SMAP1: variants seen among roughly 807,000 people sequenced by gnomAD.
SMAP1 encodes the protein small ArfGAP 1.
A neutral mutation model predicts 58.5 loss-of-function variants in SMAP1; 24 were observed. The observed-to-expected ratio is 0.41, with a 90% CI of 0.30 to 0.58. The LOEUF (loss-of-function observed/expected upper bound fraction) is 0.58. SMAP1 is among the 20% of genes least tolerant of loss of function. The pLI is 0.29. For synonymous variants in SMAP1, 216 were observed against 196.6 expected (o/e 1.10, Z -0.82); for missense variants, 563 against 566.3 (o/e 0.99, Z 0.06).
intron 1 of SMAP1, among the ~76,000 whole-genome samples, chr6:70,698,371 G>A (rs1481407451): frequency 1.3e-5 from 2 of 151,962 alleles, no homozygotes; most frequent in South Asian, 2.1e-4. Context: ...TAAATGTCTC[G>A]AGGTAGTCTT....
At chr6:70,825,694 A>G (rs1439978328) in intron 6 of SMAP1, among the ~76,000 whole-genome samples, 1 of 152,180 alleles carries the variant, frequency 6.6e-6, no homozygotes, top group African/African-American at 2.4e-5. Context: ...TCTAAAGTTA[A>G]AGGCTCTAAG....
chr6:70,708,056 T>C (rs1488588309), intron 1 of SMAP1, among the ~76,000 whole-genome samples: 2 of 152,114 alleles, frequency 1.3e-5, no homozygotes, highest in Non-Finnish European at 2.9e-5. Flanking sequence ...TGCTGAACAT[T>C]ATATCTCTAG....
intron 1 of SMAP1, among the ~76,000 whole-genome samples, chr6:70,698,801 T>C (rs547657255): frequency 1.1e-3 from 171 of 152,316 alleles, no homozygotes; most frequent in African/African-American, 3.8e-3. Context: ...TTCAGTGTTA[T>C]CTTGAATTTT....
chr6:70,834,976 G>A (rs890090189), intron 6 of SMAP1, among the ~76,000 whole-genome samples: 4 of 151,974 alleles, frequency 2.6e-5, no homozygotes, highest in South Asian at 2.1e-4. Flanking sequence ...TGGGCCGGGC[G>A]CAGTGGCTCA....
chr6:70,783,200 G>C (rs1408048038), intron 4 of SMAP1, among the ~76,000 whole-genome samples: 1 of 152,216 alleles, frequency 6.6e-6, no homozygotes, highest in African/African-American at 2.4e-5. Flanking sequence ...AGGGTCTGGA[G>C]TGGACCTCTA....
At chr6:70,830,340 G>A (rs965228987) in intron 6 of SMAP1, among the ~76,000 whole-genome samples, 4 of 152,076 alleles carry the variant, frequency 2.6e-5, no homozygotes, top group Admixed American at 6.6e-5. Flanking sequence ...GGTCATCAAG[G>A]TATTAATTTA....
intron 7 of SMAP1, among the ~76,000 whole-genome samples, chr6:70,838,205 C>T (rs1770673654): frequency 6.6e-6 from 1 of 152,082 alleles, no homozygotes; most frequent in Non-Finnish European, 1.5e-5. Flanking sequence ...ATCTTCACTG[C>T]AGCATTTCTT....
chr6:70,718,494 A>G (rs906364725), intron 1 of SMAP1, among the ~76,000 whole-genome samples: 10 of 152,154 alleles, frequency 6.6e-5, no homozygotes. Flanking sequence ...TCTTGGACAT[A>G]TTTAATTGGC....
intron 1 of SMAP1, among the ~76,000 whole-genome samples, chr6:70,669,159 A>G (rs952503171): frequency 3.9e-5 from 6 of 152,122 alleles, no homozygotes; most frequent in East Asian, 1.9e-4. Flanking sequence ...AAGATCGTGT[A>G]TATTTTTAAT....
chr6:70,743,753 C>T (rs916827403), intron 2 of SMAP1, among the ~76,000 whole-genome samples: 2 of 152,090 alleles, frequency 1.3e-5, no homozygotes, highest in Admixed American at 1.3e-4. Context: ...TGAACCCTTG[C>T]TAGAATCATT....
chr6:70,845,937 A>G (rs947102966), intron 7 of SMAP1, among the ~76,000 whole-genome samples: 1 of 152,166 alleles, frequency 6.6e-6, no homozygotes. Flanking sequence ...ATTCTAGTTA[A>G]GAAGCAGTTG....
At chr6:70,697,350 G>A (rs1025135700) in intron 1 of SMAP1, among the ~76,000 whole-genome samples, 1 of 151,320 alleles carries the variant, frequency 6.6e-6, no homozygotes, top group African/African-American at 2.4e-5. Context: ...CCATTGCTGG[G>A]GCTGGAGTGC....
At chr6:70,819,399 A>G (rs796374104) in intron 6 of SMAP1, among the ~76,000 whole-genome samples, 1 of 151,876 alleles carries the variant, frequency 6.6e-6, no homozygotes, top group South Asian at 2.1e-4. Flanking sequence ...TAGAATAAAT[A>G]TTTACAAGAT....
In SMAP1 at chr6:70,839,615, T is replaced by C. The variant is rs369923956; in HGVS notation, c.664+2587T>C. ...AAAGGTTAAGAATATAAGGGGGATT[T>C]TGCAATGACTCACAGTGGGTCATTA... On this transcript the variant is annotated intron_variant, in intron 7 of 10. Transcript: ENST00000370455. 7.9e-5 allele frequency among the ~76,000 whole-genome samples: 12 copies of C among 152,248 alleles called. No individual in the cohort carries two copies. The East Asian group carries it at 2.3e-3, about 29-fold the overall frequency.
chr6:70,842,049 G>A (rs150188037), intron 7 of SMAP1, among the ~76,000 whole-genome samples: 151 of 152,328 alleles, frequency 9.9e-4, no homozygotes, highest in African/African-American at 3.3e-3. Flanking sequence ...CTGGAAAACC[G>A]CTGGTGTCCT....
chr6:70,686,469 C>T (rs888572518), intron 1 of SMAP1, among the ~76,000 whole-genome samples: 1 of 152,112 alleles, frequency 6.6e-6, no homozygotes, highest in Non-Finnish European at 1.5e-5. Context: ...GAACTTTTGT[C>T]AGGGTTACTT....
At chr6:70,766,052 G>A (rs145131941) in intron 3 of SMAP1, among the ~76,000 whole-genome samples, 3,593 of 151,906 alleles carry the variant, frequency 0.024, 50 homozygotes, top group Non-Finnish European at 0.037. Context: ...AATTTCATCC[G>A]TTTCCCTACA....
At chr6:70,668,377 C>T (rs1452713967) in intron 1 of SMAP1, among the ~76,000 whole-genome samples, 1 of 152,246 alleles carries the variant, frequency 6.6e-6, no homozygotes. Flanking sequence ...GCCTCCCCTC[C>T]TCCCAGACAC....
chr6:70,748,276 A>G (rs1401619846), intron 2 of SMAP1, among the ~76,000 whole-genome samples: 3 of 152,204 alleles, frequency 2.0e-5, no homozygotes, highest in African/African-American at 7.2e-5. Flanking sequence ...GTTTTTAAAA[A>G]TATGTATATT....
Sources: allele counts gnomAD v4.1 joint callset (sites outside exome capture counted in the v4.1 genomes callset), GRCh38; gene constraint gnomAD v4.1.1; transcripts MANE v1.5; gene names NCBI Gene and HGNC (gene_info 2026-07-23, HGNC 2026-07-21).